Variants in CAMSAP1 observed in about 807,000 individuals in gnomAD.
CAMSAP1 encodes the protein calmodulin regulated spectrin associated protein 1.
A neutral mutation model predicts 143.5 loss-of-function variants in CAMSAP1; 58 were observed. The observed-to-expected ratio is 0.40, with a 90% CI of 0.33 to 0.50. The LOEUF (loss-of-function observed/expected upper bound fraction) is 0.50. CAMSAP1 is among the 20% of genes least tolerant of loss of function. The pLI is 0.45. For missense variants in CAMSAP1, 1,969 were observed against 2,115.7 expected (o/e 0.93, Z 1.36); for synonymous variants, 945 against 859.3 (o/e 1.10, Z -1.74).
In CAMSAP1 at chr9:135,821,966, T is replaced by C; in HGVS notation, c.2695A>G (p.Met899Val). 6.2e-7 allele frequency: 1 copy of C among 1,612,426 alleles called. No homozygotes were observed. Among genetic ancestry groups the C allele is most frequent in the Non-Finnish European group, 8.5e-7 (1 of 1,179,392 alleles). The change falls in exon 11 of 17, where the codon ATG becomes GTG. Residue 899 changes from methionine (M) to valine (V), a missense_variant. Physicochemically the swap from Met to Val is conservative, Grantham distance 21. Around this residue, in one of 4 missense-constraint regions of CAMSAP1, gnomAD observed 1,390 missense variants for 1,420.8 expected, o/e 0.98. Transcript: ENST00000389532. The surrounding 1 kb of genome is among the most constrained non-coding windows in gnomAD (Gnocchi z 4.6). ...RRAIEAQKKK[M>V]EALSARQRLK... ...CGCTGCCTTGCCGACAGCGCCTCCA[T>C]CTTCTTCTTCTGGGCCTCGATGGCC...
At chr9:135,866,364 G>C in intron 4 of CAMSAP1, 92 bp downstream of exon 4, 1 of 708,220 alleles carries the variant, frequency 1.4e-6, no homozygotes, top group South Asian at 1.7e-5. Flanking sequence ...TAAAAATAGA[G>C]AATAAGCAAA....
chr9:135,877,105 C>T (rs922621808), intron 3 of CAMSAP1, among the ~76,000 whole-genome samples: 6 of 152,098 alleles, frequency 3.9e-5, no homozygotes, highest in Admixed American at 6.6e-5. Context: ...TGTCCATCAA[C>T]AGGTGGACAG....
rs1166393563 is a variant in CAMSAP1 at position 135,862,515 on chromosome 9, G to C, written c.760C>G (p.Leu254Val). 1.3e-6 allele frequency: 2 copies of C among 1,551,624 alleles called. No homozygotes were observed. Among genetic ancestry groups the C allele is most frequent in the Non-Finnish European group, 8.7e-7 (1 of 1,147,010 alleles). Residue 254 changes from leucine to valine, a missense_variant, in exon 5 of 17, where the codon CTC becomes GTC. This residue lies in a region of CAMSAP1 where 221 missense variants were observed against 298.2 expected (regional missense o/e 0.74). Coordinates refer to ENST00000389532, the MANE Select transcript of CAMSAP1 (RefSeq NM_015447.4). ...CAATAATAGTGAATCACAGCTAAGAGAGCAGCACCATCACTGCCGTCTCTC... is the reference window on the plus strand; with the variant it reads ...CAATAATAGTGAATCACAGCTAAGACAGCAGCACCATCACTGCCGTCTCTC... ...LMRDGSDGAA[L>V]LAVIHYYCPE...
intron 3 of CAMSAP1, among the ~76,000 whole-genome samples, chr9:135,880,576 G>A (rs570793228): frequency 2.6e-5 from 4 of 152,252 alleles, no homozygotes; most frequent in South Asian, 4.1e-4. Flanking sequence ...AAACACAAAC[G>A]TCTGCCAACT....
chr9:135,907,200 A>C lies in CAMSAP1; in HGVS notation c.-41T>G. On this transcript the variant is annotated 5_prime_UTR_variant, in exon 1 of 17. Coordinates refer to ENST00000389532, the MANE Select transcript of CAMSAP1 (RefSeq NM_015447.4). ...TGAGGCGGCGGCCCGGCCGCAACAA[A>C]GGCGCCGCCGCCCCTCGCCGCGCCG... The C allele has an allele frequency of 1.9e-6, 2 of 1,043,382 alleles. No individual in the cohort carries two copies. The highest frequency in any genetic ancestry group is 2.3e-6 in the Non-Finnish European group (2 of 867,260). 64.6% of individuals were successfully genotyped at this position (1,043,382 alleles called of 1,614,324 possible).
intron 3 of CAMSAP1, among the ~76,000 whole-genome samples, chr9:135,881,341 A>G (rs59391238): frequency 0.19 from 28,209 of 151,440 alleles, 3,171 homozygotes; most frequent in African/African-American, 0.29. Flanking sequence ...CTGGGGGACA[A>G]AGTGAGACCC....
chr9:135,882,689 G>T lies in CAMSAP1; in HGVS notation c.423+127C>A. 8.9e-7 allele frequency: 1 copy of T among 1,122,134 alleles called. No individual in the cohort carries two copies. Among genetic ancestry groups the T allele is most frequent in the Non-Finnish European group, 1.2e-6 (1 of 808,862 alleles). The allele number at this position is 1,122,134 out of a possible 1,614,324, so 69.5% of individuals were successfully genotyped here. A position where few individuals can be genotyped will look rare whatever the true frequency, so the allele number is the denominator to read the frequency against. ...GCAGTTTCCTAAGGAACGCCAGTGT[G>T]CAAAAGCACGGGTCTCCACCACCTC... On this transcript the variant is annotated intron_variant, in intron 2 of 16. Transcript: ENST00000389532. This position sits in a 1 kb window ranked among gnomAD's most constrained non-coding sequence, Gnocchi z 4.9.
chr9:135,839,200 C>T (rs1032439298), intron 7 of CAMSAP1, among the ~76,000 whole-genome samples: 1 of 152,210 alleles, frequency 6.6e-6, no homozygotes, highest in Non-Finnish European at 1.5e-5. Context: ...CTTCTTCTCT[C>T]CCTGCCTCCC....
In CAMSAP1 at chr9:135,820,109, G is replaced by A. The variant is rs1249330326; in HGVS notation, c.3822+730C>T. On this transcript the variant is annotated intron_variant, in intron 11 of 16. Transcript: ENST00000389532. This position sits in a 1 kb window ranked among gnomAD's most constrained non-coding sequence, Gnocchi z 4.4. ...AGTGTGCGCACACCTGGATGGCAGC[G>A]CCCCCCACAGGCCTCGGCTACATCA... 6.6e-6 allele frequency among the ~76,000 whole-genome samples: 1 copy of A among 152,102 alleles called. No homozygotes were observed. The highest frequency in any genetic ancestry group is 1.5e-5 in the Non-Finnish European group (1 of 68,040).
At chr9:135,876,316 T>A (rs982694940) in intron 3 of CAMSAP1, among the ~76,000 whole-genome samples, 15 of 152,164 alleles carry the variant, frequency 9.9e-5, no homozygotes, top group African/African-American at 2.9e-4. Context: ...GGAGAAGATC[T>A]TCATGATACA....
intron 5 of CAMSAP1, among the ~76,000 whole-genome samples, chr9:135,852,058 G>C (rs981292741): frequency 6.6e-6 from 1 of 152,178 alleles, no homozygotes; most frequent in African/African-American, 2.4e-5. Context: ...CAGGCGGAGG[G>C]GCGTGAACAC....
intron 7 of CAMSAP1, among the ~76,000 whole-genome samples, chr9:135,838,868 C>G (rs980034857): frequency 6.6e-6 from 1 of 151,728 alleles, no homozygotes; most frequent in Non-Finnish European, 1.5e-5. Flanking sequence ...TGTAGCCACA[C>G]GTTCGCCACG....
rs886278811 is a variant in CAMSAP1, at chr9:135,811,982, T to C, written c.4507-371A>G. ...GGCGGTAACGAGTGCTGGCGAGCCATGGGGCTCTTTCACTGCCAGAAGGAT... is the reference window on the plus strand; with the variant it reads ...GGCGGTAACGAGTGCTGGCGAGCCACGGGGCTCTTTCACTGCCAGAAGGAT... On this transcript the variant is annotated intron_variant, in intron 16 of 16. Coordinates refer to ENST00000389532, the MANE Select transcript of CAMSAP1 (RefSeq NM_015447.4). The surrounding 1 kb of genome is among the most constrained non-coding windows in gnomAD (Gnocchi z 4.9). Among the ~76,000 whole-genome samples, 5 of 152,094 alleles carry C rather than the reference T, an allele frequency of 3.3e-5. No individual in the cohort carries two copies. The highest frequency in any genetic ancestry group is 7.3e-5 in the Non-Finnish European group (5 of 68,028).
chr9:135,814,596 C>T (rs764225839), intron 16 of CAMSAP1, among the ~76,000 whole-genome samples: 1 of 152,182 alleles, frequency 6.6e-6, no homozygotes, highest in Non-Finnish European at 1.5e-5. Flanking sequence ...TCAGCGGGTG[C>T]GCGCCTCTTC....
chr9:135,822,765 G>C lies in CAMSAP1; in HGVS notation c.1896C>G (p.Pro632=). The C allele has an allele frequency of 6.2e-7, 1 of 1,613,712 alleles. No individual in the cohort carries two copies. Among genetic ancestry groups the C allele is most frequent in the Non-Finnish European group, 8.5e-7 (1 of 1,179,798 alleles). The change falls in exon 11 of 17, where the codon CCC becomes CCG. Residue 632 remains proline, a synonymous_variant. Transcript: ENST00000389532. This position sits in a 1 kb window ranked among gnomAD's most constrained non-coding sequence, Gnocchi z 6.1. ...TCATTTTCCTTCGTACCAAAGGCTG[G>C]GGGCCCTCGCTGGGCCTCCTAGACA... ...SIVSRRPSEG[P]QPLVRRKMTG... is the part of the protein sequence containing the mutation.
intron 7 of CAMSAP1, among the ~76,000 whole-genome samples, chr9:135,840,195 T>A (rs577668729): frequency 9.8e-5 from 15 of 152,290 alleles, no homozygotes; most frequent in Non-Finnish European, 1.9e-4. Flanking sequence ...CAGGCATCAC[T>A]ACCCAACGGT....
At chr9:135,850,788 G>A (rs547883228) in intron 5 of CAMSAP1, among the ~76,000 whole-genome samples, 7 of 152,282 alleles carry the variant, frequency 4.6e-5, no homozygotes, top group East Asian at 3.9e-4. Flanking sequence ...TGCACGTAGC[G>A]AGTAAATGTT....
intron 3 of CAMSAP1, among the ~76,000 whole-genome samples, chr9:135,866,797 CAG>C (rs1222356402): frequency 6.6e-6 from 1 of 152,148 alleles, no homozygotes; most frequent in Non-Finnish European, 1.5e-5. Context: ...CACTGCGGGG[CAG>C]AGTCACTACA....
At position 135,826,194 on chromosome 9, in the gene CAMSAP1, G is replaced by GCTTCTTGTGCGCACACACA. The variant is rs1554789548; in HGVS notation, c.1223+1212_1223+1213insTGTGTGTGCGCACAAGAAG. 16 of 113,626 alleles carry GCTTCTTGTGCGCACACACA rather than the reference G, an allele frequency of 1.4e-4. No individual in the cohort carries two copies. The highest frequency in any genetic ancestry group is 6.0e-4 in the African/African-American group (15 of 25,022). 7.0% of individuals were successfully genotyped at this position (113,626 alleles called of 1,614,324 possible). A position where few individuals can be genotyped will look rare whatever the true frequency, so the allele number is the denominator to read the frequency against. ...CAGAGCAGCGTGTACACGGGCACCA[G>GCTTCTTGTGCGCACACACA]CACACACACACACACACACACGGCT... On this transcript the variant is annotated intron_variant, in intron 8 of 16. Coordinates refer to ENST00000389532, the MANE Select transcript of CAMSAP1 (RefSeq NM_015447.4). The surrounding 1 kb of genome is among the most constrained non-coding windows in gnomAD (Gnocchi z 4.4).
Sources: gnomAD v4.1 joint callset for allele counts (sites outside exome capture counted in the v4.1 genomes callset) on GRCh38, gnomAD v4.1.1 for gene constraint, gnomAD v4.1.1 regional missense constraint, Gnocchi (gnomAD v3.1) non-coding constraint, MANE v1.5 for transcripts, NCBI Gene and HGNC (gene_info 2026-07-23, HGNC 2026-07-21) for gene names.